The following KPNA3 variants were observed in gnomAD, a reference collection of about 807,000 sequenced individuals.
The protein encoded by KPNA3 is importin subunit alpha-4.
KPNA3 carries 13 observed loss-of-function variants against 73.8 expected under a neutral mutation model. That is an observed-to-expected ratio of 0.18 (90% confidence interval 0.11 to 0.28). The LOEUF (loss-of-function observed/expected upper bound fraction) is 0.28, where lower values mean the gene tolerates loss of function less well. Among genes scored for constraint, KPNA3 ranks in the 10% least tolerant of loss-of-function variants. KPNA3 has a pLI of 1.00. For synonymous variants in KPNA3, 186 were observed against 206.9 expected, an observed-to-expected ratio of 0.90 and a Z score of 0.87; for missense variants, 360 against 618.1, an observed-to-expected ratio of 0.58 and a Z score of 4.43.
chr13:49,777,964 A>C (rs1389250282), intron 1 of KPNA3, among the ~76,000 whole-genome samples: 1 of 152,162 alleles, frequency 6.6e-6, no homozygotes, highest in Non-Finnish European at 1.5e-5. Flanking sequence ...ATTAACCCAC[A>C]TCAACCTGCT....
rs183022952 is a variant in KPNA3, at chr13:49,736,566, T to C, written c.115-3520A>G. ...GTTATAAGAATATGGAGAGATCCCT[T>C]GTATGCTTTGCCCAGGTTACCCCAA... On this transcript the variant is annotated intron_variant, in intron 2 of 16. Transcript: ENST00000261667. 1.5e-4 allele frequency among the ~76,000 whole-genome samples: 23 copies of C among 152,362 alleles called. 1 individual carries two copies. In the East Asian group the frequency reaches 4.0e-3, roughly 27 times the overall value.
chr13:49,755,315 A>C (rs556449166), intron 1 of KPNA3, among the ~76,000 whole-genome samples: 1 of 152,284 alleles, frequency 6.6e-6, no homozygotes, highest in Admixed American at 6.5e-5. Context: ...TATAGTAAAA[A>C]CACTCAGAAA....
At chr13:49,721,759 G>C (rs149297469) in intron 9 of KPNA3, among the ~76,000 whole-genome samples, 196 bp downstream of exon 9, 2 of 152,310 alleles carry the variant, frequency 1.3e-5, no homozygotes, top group Non-Finnish European at 2.9e-5. Flanking sequence ...AGTGGAGCTT[G>C]CCGTGAGCCA....
intron 1 of KPNA3, among the ~76,000 whole-genome samples, chr13:49,753,665 AT>A (rs2137575259): frequency 6.6e-6 from 1 of 152,346 alleles, no homozygotes; most frequent in East Asian, 1.9e-4. Flanking sequence ...GGAGGTGAGC[AT>A]TATGGCCTCA....
chr13:49,736,964 G>A (rs1374681051), intron 2 of KPNA3, among the ~76,000 whole-genome samples: 1 of 152,110 alleles, frequency 6.6e-6, no homozygotes, highest in Non-Finnish European at 1.5e-5. Flanking sequence ...TATAGGCTCA[G>A]TATAATTGTC....
At chr13:49,753,283 T>G (rs1271633403) in intron 1 of KPNA3, among the ~76,000 whole-genome samples, 1 of 152,030 alleles carries the variant, frequency 6.6e-6, no homozygotes, top group East Asian at 1.9e-4. Flanking sequence ...CAAGTGAAAC[T>G]AACGGACTTC....
chr13:49,780,133 T>A (rs1954929230), intron 1 of KPNA3, among the ~76,000 whole-genome samples: 1 of 152,150 alleles, frequency 6.6e-6, no homozygotes, highest in Non-Finnish European at 1.5e-5. Context: ...GAGCTATTAA[T>A]CTTCACCACT....
At chr13:49,783,022 C>T (rs1180244709) in intron 1 of KPNA3, among the ~76,000 whole-genome samples, 1 of 151,848 alleles carries the variant, frequency 6.6e-6, no homozygotes, top group Admixed American at 6.6e-5. Flanking sequence ...GAAGGACAAG[C>T]CAAAAAAATT....
chr13:49,713,293 AATAAAC>A (rs1020449009), intron 10 of KPNA3, among the ~76,000 whole-genome samples: 20 of 96,506 alleles, frequency 2.1e-4, no homozygotes, highest in Non-Finnish European at 3.5e-4. Flanking sequence ...TAAAGCAGAG[AATAAAC>A]ACACACACAC....
chr13:49,757,228 C>T (rs1486172899), intron 1 of KPNA3, among the ~76,000 whole-genome samples: 2 of 150,228 alleles, frequency 1.3e-5, no homozygotes, highest in Non-Finnish European at 3.0e-5. Flanking sequence ...TTTGAACACC[C>T]ATGTAAAGAA....
At chr13:49,729,856 GTATT>G in intron 6 of KPNA3, among the ~76,000 whole-genome samples, 1 of 152,304 alleles carries the variant, frequency 6.6e-6, no homozygotes, top group South Asian at 2.1e-4. Context: ...TGCTTTGTAT[GTATT>G]ATTTCCATTC....
chr13:49,735,281 C>G (rs564292491), intron 2 of KPNA3, among the ~76,000 whole-genome samples: 1 of 152,156 alleles, frequency 6.6e-6, no homozygotes, highest in African/African-American at 2.4e-5. Flanking sequence ...CGCCTCCATA[C>G]CCGGCTAATT....
At chr13:49,770,875 TA>T (rs1954849267) in intron 1 of KPNA3, among the ~76,000 whole-genome samples, 1 of 132,256 alleles carries the variant, frequency 7.6e-6, no homozygotes, top group South Asian at 2.5e-4. Context: ...CCCCCGAAAA[TA>T]TAACTGGTAA....
intron 2 of KPNA3, among the ~76,000 whole-genome samples, chr13:49,733,350 C>G (rs1032768548): frequency 1.4e-5 from 2 of 139,846 alleles, no homozygotes; most frequent in African/African-American, 5.3e-5. Flanking sequence ...TGCAGTGGCA[C>G]AATCTCAGCT....
At chr13:49,714,858 CACTT>C (rs1954291283) in intron 10 of KPNA3, among the ~76,000 whole-genome samples, 1 of 151,964 alleles carries the variant, frequency 6.6e-6, no homozygotes, top group African/African-American at 2.4e-5. Flanking sequence ...AAACCAATAT[CACTT>C]ACGTGAATGC....
intron 9 of KPNA3, among the ~76,000 whole-genome samples, chr13:49,720,948 G>C (rs1954350831): frequency 6.6e-6 from 1 of 152,140 alleles, no homozygotes; most frequent in African/African-American, 2.4e-5. Flanking sequence ...CGTGGGGGCA[G>C]TGGCTCACAC....
rs547656471 is a variant in KPNA3, at chr13:49,785,778, A to G, written c.69+6660T>C. The stretch of plus-strand genomic sequence containing the variant: ...ATGAAAAAAAAAAAGTTTGTTTGCT[A>G]TATGGCATATAGATTCCTGAAACAC... On this transcript the variant is annotated intron_variant, in intron 1 of 16. Coordinates refer to ENST00000261667, the MANE Select transcript of KPNA3 (RefSeq NM_002267.4). Among the ~76,000 whole-genome samples, 28 of 152,242 alleles carry G rather than the reference A, an allele frequency of 1.8e-4. 1 individual carries two copies. The East Asian group carries it at 5.2e-3, about 28-fold the overall frequency.
chr13:49,727,629 A>G (rs1329674131), intron 6 of KPNA3, among the ~76,000 whole-genome samples: 1 of 152,128 alleles, frequency 6.6e-6, no homozygotes, highest in Non-Finnish European at 1.5e-5. Flanking sequence ...AAAACTCATT[A>G]AAAATGTGTA....
chr13:49,709,277 T>A (rs1368983899), intron 12 of KPNA3, among the ~76,000 whole-genome samples: 1 of 151,872 alleles, frequency 6.6e-6, no homozygotes, highest in Non-Finnish European at 1.5e-5. Context: ...GGCGGGCACC[T>A]GTAGTCCCAG....
Sources: allele counts gnomAD v4.1 joint callset (sites outside exome capture counted in the v4.1 genomes callset), GRCh38; gene constraint gnomAD v4.1.1; transcripts MANE v1.5; gene names NCBI Gene and HGNC (gene_info 2026-07-23, HGNC 2026-07-21).